PPP1R36: variants seen among roughly 807,000 people sequenced by gnomAD.
PPP1R36 encodes protein phosphatase 1 regulatory subunit 36.
In PPP1R36, 47 loss-of-function variants were observed where a neutral mutation model predicts 53.4. That is an observed-to-expected ratio of 0.88 (90% CI 0.70 to 1.12). The LOEUF is 1.12. Ranked by LOEUF, PPP1R36 falls within the 50% of genes most tolerant of loss-of-function variation. The pLI is 0.00. For synonymous variants in PPP1R36, 153 were observed against 170.5 expected, an observed-to-expected ratio of 0.90 and a Z score of 0.80; for missense variants, 456 against 513.9, an observed-to-expected ratio of 0.89 and a Z score of 1.09.
In PPP1R36 at chr14:64,552,858, C is replaced by G; in HGVS notation, c.179C>G (p.Pro60Arg). The stretch of plus-strand genomic sequence containing the variant: ...GTCCAGTGGCTCCTGAAACATCACC[C>G]TCAGTGAGTGTGAGACAGACAGTGA... ...DSVQWLLKHH[P>R]HFTPAAEVKE... Residue 60 changes from proline (P) to arginine (R), a missense_variant, in exon 3 of 12, where the codon CCT becomes CGT. Transcript: ENST00000298705. The G allele has an allele frequency of 7.4e-6, 12 of 1,613,374 alleles. No individual in the cohort carries two copies. Among genetic ancestry groups the G allele is most frequent in the Non-Finnish European group, 9.3e-6 (11 of 1,179,318 alleles).
intron 8 of PPP1R36, among the ~76,000 whole-genome samples, chr14:64,579,077 CAAAG>C (rs1194651650): frequency 1.8e-4 from 28 of 152,032 alleles, no homozygotes; most frequent in South Asian, 1.0e-3. Flanking sequence ...CTTATGAACA[CAAAG>C]AAAGAAGCAA....
chr14:64,561,432 A>C (rs2080204763), intron 3 of PPP1R36, among the ~76,000 whole-genome samples: 1 of 152,216 alleles, frequency 6.6e-6, no homozygotes, highest in Non-Finnish European at 1.5e-5. Flanking sequence ...ACCTCCATGC[A>C]AGAAATGCCA....
rs118174446 is a variant in PPP1R36, at chr14:64,557,416, A to G, written c.182+4555A>G. Reference sequence around the variant, plus strand: ...TATAAAATAAGAAGAAGAAGGGGAAAGAGAAGGAGAAGGGGGACAAACAGG... The same window carrying G: ...TATAAAATAAGAAGAAGAAGGGGAAGGAGAAGGAGAAGGGGGACAAACAGG... On this transcript the variant is annotated intron_variant, in intron 3 of 11. Coordinates refer to ENST00000298705, the MANE Select transcript of PPP1R36 (RefSeq NM_172365.3). Among the ~76,000 whole-genome samples the G allele has an allele frequency of 1.2e-4, 19 of 152,312 alleles. No individual in the cohort carries two copies. In the East Asian group the frequency reaches 3.7e-3, roughly 29 times the overall value.
At chr14:64,582,211 T>A (rs921432845) in intron 8 of PPP1R36, among the ~76,000 whole-genome samples, 1 of 152,222 alleles carries the variant, frequency 6.6e-6, no homozygotes, top group African/African-American at 2.4e-5. Flanking sequence ...CACTCTTGTA[T>A]AGAGCAGGCC....
chr14:64,584,655 C>T lies in PPP1R36; in HGVS notation c.669-2182C>T, dbSNP rs575103372. The stretch of plus-strand genomic sequence containing the variant: ...CTCACAGTCCAGTTATGAGGACAGA[C>T]GTGGGTATCTGACAGGCCCGAGTTT... On this transcript the variant is annotated intron_variant, in intron 8 of 11. Transcript: ENST00000298705. 3.9e-5 allele frequency among the ~76,000 whole-genome samples: 6 copies of T among 152,296 alleles called. No individual in the cohort carries two copies. In the South Asian group the frequency reaches 8.3e-4, roughly 21 times the overall value.
intron 4 of PPP1R36, 75 bp downstream of exon 4, chr14:64,564,912 A>G: frequency 2.2e-6 from 2 of 925,306 alleles, no homozygotes; most frequent in South Asian, 3.1e-5. Context: ...TTTACAAACT[A>G]CGAAAATACC....
chr14:64,571,623 T>C (rs17751817), intron 7 of PPP1R36, among the ~76,000 whole-genome samples: 5,687 of 152,214 alleles, frequency 0.037, 121 homozygotes, highest in Non-Finnish European at 0.056. Context: ...GACTCACTCA[T>C]AAGTTAGGTT....
intron 5 of PPP1R36, 39 bp downstream of exon 5, chr14:64,565,493 C>G (rs1184181782): frequency 6.7e-7 from 1 of 1,483,492 alleles, no homozygotes; most frequent in African/African-American, 1.4e-5. Flanking sequence ...AAACATACAT[C>G]TGTACATACA....
intron 1 of PPP1R36, 108 bp from the exon 2 acceptor site, chr14:64,550,809 ATTAC>A (rs1176586934): frequency 1.3e-6 from 1 of 752,016 alleles, no homozygotes; most frequent in African/African-American, 1.8e-5. Flanking sequence ...TTTCCTTCTT[ATTAC>A]TTAAAAGATG....
rs1461275828 is a variant in PPP1R36 at position 64,586,845 on chromosome 14, T to C, written c.677T>C (p.Ile226Thr). Reference protein sequence around the residue: ...KHHMCCGKEKISDTQKDWKFF... With the variant: ...KHHMCCGKEKTSDTQKDWKFF... ...GACTTGTTATATTACAGGGAGAAAA[T>C]ATCAGATACACAGAAAGACTGGAAG... Residue 226 changes from isoleucine to threonine, a missense_variant, in exon 9 of 12, where the codon ATA becomes ACA. By Grantham distance (89) the Ile-to-Thr change is moderately conservative. Coordinates refer to ENST00000298705, the MANE Select transcript of PPP1R36 (RefSeq NM_172365.3). The C allele has an allele frequency of 6.2e-7, 1 of 1,611,374 alleles. No individual in the cohort carries two copies. Among genetic ancestry groups the C allele is most frequent in the East Asian group, 2.2e-5 (1 of 44,812 alleles).
intron 8 of PPP1R36, among the ~76,000 whole-genome samples, chr14:64,584,059 G>A (rs1343165983): frequency 6.6e-6 from 1 of 151,520 alleles, no homozygotes; most frequent in East Asian, 2.0e-4. Context: ...CTGCCACCAC[G>A]CCCGGCTAAT....
chr14:64,554,139 A>ATTTTT (rs1235272685), intron 3 of PPP1R36, among the ~76,000 whole-genome samples: 2 of 109,058 alleles, frequency 1.8e-5, no homozygotes, highest in African/African-American at 7.5e-5. Context: ...TCCCATCACA[A>ATTTTT]TTGTTTTTTT....
chr14:64,565,604 A>G (rs543789355), intron 5 of PPP1R36, 22 bp from the exon 6 acceptor site: 5 of 1,604,568 alleles, frequency 3.1e-6, no homozygotes, highest in Admixed American at 3.3e-5. Context: ...CCCTCTCTCA[A>G]TTGTTCATTT....
intron 3 of PPP1R36, among the ~76,000 whole-genome samples, chr14:64,562,803 A>AT (rs535438534): frequency 2.2e-3 from 339 of 152,040 alleles, no homozygotes; most frequent in African/African-American, 7.8e-3. Flanking sequence ...ACTAGATGAT[A>AT]TTTTTTTACT....
chr14:64,576,624 C>T (rs892785359), intron 8 of PPP1R36, among the ~76,000 whole-genome samples: 1 of 152,092 alleles, frequency 6.6e-6, no homozygotes, highest in Non-Finnish European at 1.5e-5. Context: ...TTGGCGTTGT[C>T]GGCCATTTCT....
rs186448622 is a variant in PPP1R36 at position 64,570,460 on chromosome 14, C to T, written c.533+2013C>T. 8.8e-4 allele frequency among the ~76,000 whole-genome samples: 134 copies of T among 151,446 alleles called. 2 individuals are homozygous for T. In the East Asian group the frequency reaches 0.017, roughly 19 times the overall value. On this transcript the variant is annotated intron_variant, in intron 7 of 11. Coordinates refer to ENST00000298705, the MANE Select transcript of PPP1R36 (RefSeq NM_172365.3). ...TGGCACCATTGCACTCCAGCCTGGG[C>T]GACAGAGCGAGACTCCGCCTTAAAA...
Position 64,586,818 on chromosome 14 carries a change from G to A in PPP1R36, c.669-19G>A. On this transcript the variant is annotated intron_variant, in intron 8 of 11. Coordinates refer to ENST00000298705, the MANE Select transcript of PPP1R36 (RefSeq NM_172365.3). ...TGAACTTCCCTCTCAACCTATAGTT[G>A]TGACTTGTTATATTACAGGGAGAAA... The A allele has an allele frequency of 1.3e-6, 2 of 1,592,922 alleles. No homozygotes were observed. The highest frequency in any genetic ancestry group is 1.7e-6 in the Non-Finnish European group (2 of 1,161,446).
At chr14:64,557,596 T>A (rs11622941) in intron 3 of PPP1R36, among the ~76,000 whole-genome samples, 66,625 of 152,120 alleles carry the variant, frequency 0.44, 15,711 homozygotes, top group East Asian at 0.65. Context: ...AAAATAAGGT[T>A]TGTACATTAC....
chr14:64,580,552 T>C lies in PPP1R36; in HGVS notation c.668+5963T>C, dbSNP rs144429479. ...GTAGATGATGGCCTCTGGTTAGCAC[T>C]AGCTCATTTCCAGATGGTGCTGGTC... On this transcript the variant is annotated intron_variant, in intron 8 of 11. Coordinates refer to ENST00000298705, the MANE Select transcript of PPP1R36 (RefSeq NM_172365.3). 1.6e-3 allele frequency among the ~76,000 whole-genome samples: 249 copies of C among 152,354 alleles called. 1 individual carries two copies. Among genetic ancestry groups the C allele is most frequent in the African/African-American group, 5.7e-3 (238 of 41,580 alleles).
Sources: gnomAD v4.1 joint callset for allele counts (sites outside exome capture counted in the v4.1 genomes callset) on GRCh38, gnomAD v4.1.1 for gene constraint, MANE v1.5 for transcripts, NCBI Gene and HGNC (gene_info 2026-07-23, HGNC 2026-07-21) for gene names.